Variants in EVI5 observed in about 807,000 individuals in gnomAD.
EVI5 encodes ecotropic viral integration site 5 protein homolog.
Under a neutral mutation model 112.0 loss-of-function variants are expected in EVI5, and 73 were observed. That is an observed-to-expected ratio of 0.65 (90% confidence interval 0.54 to 0.79). EVI5 has a LOEUF of 0.79. Among genes scored for constraint, EVI5 ranks in the 30% least tolerant of loss-of-function variants. The pLI, the probability that EVI5 is intolerant of heterozygous loss-of-function variation, is 0.00. For missense variants in EVI5, 900 were observed against 968.8 expected (o/e 0.93, Z 0.94); for synonymous variants, 305 against 319.9 (o/e 0.95, Z 0.50).
At chr1:92,625,634 T>G in intron 15 of EVI5, 160 bp downstream of exon 15, 1 of 558,808 alleles carries the variant, frequency 1.8e-6, no homozygotes, top group Non-Finnish European at 3.2e-6. Context: ...ACAGCTTAAG[T>G]GCACTTTCAG....
chr1:92,625,546 C>T (rs1343458572), intron 15 of EVI5: 1 of 332,838 alleles, frequency 3.0e-6, no homozygotes, highest in Non-Finnish European at 5.5e-6. Flanking sequence ...TTACACAAGG[C>T]ACAATGGTAC....
At chr1:92,734,122 T>C (rs1676942263) in intron 2 of EVI5, among the ~76,000 whole-genome samples, 1 of 152,246 alleles carries the variant, frequency 6.6e-6, no homozygotes, top group South Asian at 2.1e-4. Context: ...TATACATTAA[T>C]TGTAGGAACT....
chr1:92,602,848 T>C (rs575970585), intron 18 of EVI5, among the ~76,000 whole-genome samples: 61 of 152,062 alleles, frequency 4.0e-4, no homozygotes, highest in African/African-American at 1.4e-3. Flanking sequence ...AAAACCCAGG[T>C]ACGTTGATTC....
intron 15 of EVI5, among the ~76,000 whole-genome samples, chr1:92,624,792 A>G (rs989024666): frequency 6.6e-6 from 1 of 151,900 alleles, no homozygotes; most frequent in Non-Finnish European, 1.5e-5. Context: ...TAGGGTCACC[A>G]TATTAAACAA....
intron 13 of EVI5, among the ~76,000 whole-genome samples, chr1:92,652,592 C>T (rs1221476110): frequency 6.6e-6 from 1 of 152,224 alleles, no homozygotes; most frequent in African/African-American, 2.4e-5. Flanking sequence ...TGTACTCCCA[C>T]ATTTATTGCA....
chr1:92,745,487 C>T (rs1483788170), intron 1 of EVI5, among the ~76,000 whole-genome samples: 1 of 152,078 alleles, frequency 6.6e-6, no homozygotes, highest in Non-Finnish European at 1.5e-5. Flanking sequence ...TATTATAAAC[C>T]ATTAGATGTA....
intron 9 of EVI5, among the ~76,000 whole-genome samples, chr1:92,688,354 T>G (rs1668910744): frequency 6.6e-6 from 1 of 152,146 alleles, no homozygotes; most frequent in South Asian, 2.1e-4. Flanking sequence ...TGTGCACATG[T>G]ACCCTAGAAC....
At chr1:92,563,390 A>T (rs1668934556) in intron 19 of EVI5, among the ~76,000 whole-genome samples, 1 of 152,226 alleles carries the variant, frequency 6.6e-6, no homozygotes, top group Non-Finnish European at 1.5e-5. Context: ...ATAAAAAAAT[A>T]AAATATTTGC....
intron 19 of EVI5, among the ~76,000 whole-genome samples, chr1:92,546,950 G>C (rs567307964): frequency 4.6e-5 from 7 of 152,228 alleles, no homozygotes; most frequent in African/African-American, 1.7e-4. Context: ...GAGACAGAAA[G>C]TTAACAAGGA....
intron 1 of EVI5, among the ~76,000 whole-genome samples, chr1:92,783,503 A>AAG (rs1685158153): frequency 2.7e-5 from 4 of 148,008 alleles, no homozygotes; most frequent in Non-Finnish European, 4.5e-5. Context: ...AAAAAAAAAA[A>AAG]AAAAGAAAAG....
chr1:92,673,392 T>TA (rs1236468203), intron 10 of EVI5, among the ~76,000 whole-genome samples: 2 of 152,114 alleles, frequency 1.3e-5, no homozygotes, highest in Non-Finnish European at 2.9e-5. Flanking sequence ...AATTTAAATA[T>TA]AAAAATTAGA....
chr1:92,695,572 G>T, intron 6 of EVI5, 119 bp from the exon 7 acceptor site: 2 of 559,546 alleles, frequency 3.6e-6, no homozygotes, highest in South Asian at 7.9e-5. Context: ...ATATGGAAAA[G>T]GTAAGACATA....
chr1:92,734,174 A>C lies in EVI5; in HGVS notation c.149+2224T>G, dbSNP rs113663237. 3.3e-3 allele frequency among the ~76,000 whole-genome samples: 496 copies of C among 152,306 alleles called. 2 individuals are homozygous for C. Among genetic ancestry groups the C allele is most frequent in the Non-Finnish European group, 4.6e-3 (314 of 68,026 alleles). ...TCAATCTCCTAATTTTTGCATGAAG[A>C]ATGTTAGGCCTAGGATGAGAGAATG... is the stretch of plus-strand genomic sequence containing the variant. On this transcript the variant is annotated intron_variant, in intron 2 of 19. Transcript: ENST00000684568.
At chr1:92,764,123 T>C (rs1338236830) in intron 1 of EVI5, among the ~76,000 whole-genome samples, 1 of 152,214 alleles carries the variant, frequency 6.6e-6, no homozygotes, top group Non-Finnish European at 1.5e-5. Context: ...CAAATACATA[T>C]TTATATTCAC....
chr1:92,513,561 ATATATG>A lies in EVI5; in HGVS notation c.*89_*94del, dbSNP rs1488729441. ...TATATATATATATATATATATATAT[ATATATG>A]TACATATGAAACAAATTATTTCCAA... On this transcript the variant is annotated 3_prime_UTR_variant, in exon 20 of 20. Coordinates refer to ENST00000684568, the MANE Select transcript of EVI5 (RefSeq NM_001350197.2). 2.2e-4 allele frequency: 9 copies of A among 41,596 alleles called. No individual in the cohort carries two copies. The African/African-American group carries it at 3.7e-3, about 17-fold the overall frequency. The allele number at this position is 41,596 out of a possible 1,614,324, so 2.6% of individuals were successfully genotyped here. A position where few individuals can be genotyped will look rare whatever the true frequency, so the allele number is the denominator to read the frequency against.
At chr1:92,711,613 C>G (rs552303004) in intron 2 of EVI5, among the ~76,000 whole-genome samples, 4 of 152,046 alleles carry the variant, frequency 2.6e-5, no homozygotes, top group African/African-American at 4.8e-5. Flanking sequence ...CATGATCACA[C>G]GACTGCACTC....
At chr1:92,558,786 G>A (rs575819193) in intron 19 of EVI5, among the ~76,000 whole-genome samples, 3 of 150,236 alleles carry the variant, frequency 2.0e-5, no homozygotes, top group Non-Finnish European at 4.4e-5. Flanking sequence ...AGGATCACTT[G>A]AGCCCAGGAG....
chr1:92,768,882 C>A (rs1319808364), intron 1 of EVI5, among the ~76,000 whole-genome samples: 2 of 152,198 alleles, frequency 1.3e-5, no homozygotes, highest in South Asian at 4.2e-4. Context: ...CTCAAAAAAA[C>A]AAAACAAAAA....
intron 19 of EVI5, among the ~76,000 whole-genome samples, chr1:92,540,310 G>A (rs1664588307): frequency 6.6e-6 from 1 of 152,114 alleles, no homozygotes; most frequent in African/African-American, 2.4e-5. Context: ...TATCAGCTGT[G>A]TATGAGGGTT....
Sources: allele counts gnomAD v4.1 joint callset (sites outside exome capture counted in the v4.1 genomes callset), GRCh38; gene constraint gnomAD v4.1.1; transcripts MANE v1.5; gene names NCBI Gene and HGNC (gene_info 2026-07-23, HGNC 2026-07-21).